TAFA1: variants seen among roughly 807,000 people sequenced by gnomAD.
TAFA1 encodes TAFA chemokine like family member 1, also known as chemokine-like protein TAFA-1.
In TAFA1, 4 loss-of-function variants were observed where a neutral mutation model predicts 18.5. The ratio of observed to expected loss-of-function variants is 0.22; its 90% CI spans 0.11 to 0.49. The LOEUF (loss-of-function observed/expected upper bound fraction) is 0.49, where lower values mean the gene tolerates loss of function less well. Ranked by LOEUF, TAFA1 falls within the 20% of genes least tolerant of loss-of-function variation. The pLI, the probability that TAFA1 is intolerant of heterozygous loss-of-function variation, is 0.98. For missense variants in TAFA1, 147 were observed against 169.0 expected, an observed-to-expected ratio of 0.87 and a Z score of 0.72; for synonymous variants, 56 against 55.2, an observed-to-expected ratio of 1.01 and a Z score of -0.06.
intron 2 of TAFA1, among the ~76,000 whole-genome samples, chr3:68,221,614 C>A (rs990373674): frequency 1.3e-5 from 2 of 152,004 alleles, no homozygotes; most frequent in African/African-American, 2.4e-5. Context: ...ACTAGAACAA[C>A]TGGGGTAAAA....
At chr3:68,357,564 C>G (rs1398410902) in intron 2 of TAFA1, among the ~76,000 whole-genome samples, 2 of 151,886 alleles carry the variant, frequency 1.3e-5, no homozygotes, top group African/African-American at 4.8e-5. Flanking sequence ...TGGAGCTCCC[C>G]ACACTAGTCG....
intron 2 of TAFA1, among the ~76,000 whole-genome samples, chr3:68,307,489 C>T (rs1384894967): frequency 6.6e-6 from 1 of 152,220 alleles, no homozygotes; most frequent in East Asian, 1.9e-4. Flanking sequence ...CTACATTCAG[C>T]AGTAACACTT....
At chr3:68,370,472 G>GTATATATATATA (rs749877780) in intron 2 of TAFA1, among the ~76,000 whole-genome samples, 8 of 33,038 alleles carry the variant, frequency 2.4e-4, no homozygotes, top group Non-Finnish European at 4.1e-4. Context: ...GTGTGTGTGT[G>GTATATATATATA]TATATATATA....
At chr3:68,327,155 A>G (rs2068789475) in intron 2 of TAFA1, among the ~76,000 whole-genome samples, 1 of 152,072 alleles carries the variant, frequency 6.6e-6, no homozygotes, top group Non-Finnish European at 1.5e-5. Context: ...CTTCCCCTTC[A>G]CCTTCCATCA....
At chr3:68,094,008 T>A (rs569910280) in intron 2 of TAFA1, among the ~76,000 whole-genome samples, 1 of 152,270 alleles carries the variant, frequency 6.6e-6, no homozygotes, top group East Asian at 1.9e-4. Flanking sequence ...ACTATTTTCA[T>A]GTTATGGACT....
At chr3:68,100,828 A>G (rs1296678149) in intron 2 of TAFA1, among the ~76,000 whole-genome samples, 1 of 152,206 alleles carries the variant, frequency 6.6e-6, no homozygotes, top group African/African-American at 2.4e-5. Context: ...GATGTAGGAA[A>G]GATACCCATT....
At chr3:68,071,339 G>C (rs1027780955) in intron 2 of TAFA1, among the ~76,000 whole-genome samples, 1 of 152,188 alleles carries the variant, frequency 6.6e-6, no homozygotes, top group African/African-American at 2.4e-5. Context: ...CATGAGAACA[G>C]TCTGGGAAAG....
chr3:68,426,298 T>A (rs962080379), intron 3 of TAFA1, among the ~76,000 whole-genome samples: 1 of 151,866 alleles, frequency 6.6e-6, no homozygotes, highest in Non-Finnish European at 1.5e-5. Flanking sequence ...TCCTCTCACA[T>A]CATAATTGCC....
intron 2 of TAFA1, among the ~76,000 whole-genome samples, chr3:68,048,621 G>T (rs1166064448): frequency 6.6e-6 from 1 of 151,788 alleles, no homozygotes; most frequent in African/African-American, 2.4e-5. Context: ...AGCCTTCCCA[G>T]CCTCCGGTAA....
chr3:68,040,197 A>G lies in TAFA1; in HGVS notation c.118+33453A>G, dbSNP rs549178372. Among the ~76,000 whole-genome samples, 5 of 152,306 alleles carry G rather than the reference A, an allele frequency of 3.3e-5. No individual in the cohort carries two copies. In the East Asian group the frequency reaches 7.7e-4, roughly 24 times the overall value. ...TTTTAACATTTGTAACTGGACCTTA[A>G]GTCTTGGCTTGCTGTGTTTCTTGAG... On this transcript the variant is annotated intron_variant, in intron 2 of 4. Transcript: ENST00000478136.
At chr3:68,201,914 G>A (rs2066473726) in intron 2 of TAFA1, among the ~76,000 whole-genome samples, 1 of 151,638 alleles carries the variant, frequency 6.6e-6, no homozygotes, top group Admixed American at 6.6e-5. Context: ...CATAGGAAGA[G>A]GCAAAACCCA....
chr3:68,072,213 A>G (rs1330440478), intron 2 of TAFA1, among the ~76,000 whole-genome samples: 1 of 152,196 alleles, frequency 6.6e-6, no homozygotes, highest in Admixed American at 6.5e-5. Context: ...AACCTAGTGA[A>G]GGACCAGATG....
chr3:68,006,239 A>G (rs1704354262), intron 1 of TAFA1: 1 of 165,950 alleles, frequency 6.0e-6, no homozygotes, highest in Admixed American at 5.9e-5. Context: ...CAGACTTGCA[A>G]TGAAGTTAGA....
chr3:68,399,840 A>T (rs980826163), intron 2 of TAFA1, among the ~76,000 whole-genome samples: 3 of 152,128 alleles, frequency 2.0e-5, no homozygotes, highest in Admixed American at 6.6e-5. Flanking sequence ...AGAAACAAAA[A>T]TTACAGAGGT....
Position 68,465,061 on chromosome 3 carries a change from T to A in TAFA1, c.259+47641T>A, listed in dbSNP as rs558311381. 3.3e-5 allele frequency among the ~76,000 whole-genome samples: 5 copies of A among 152,226 alleles called. No homozygotes were observed. In the South Asian group the frequency reaches 1.0e-3, roughly 32 times the overall value. Reference sequence around the variant, plus strand: ...AAATAATTCCAATCCCCTTCGCTAGTGATTGGCTTAGGCGTGGGCATGTGG... The same window carrying A: ...AAATAATTCCAATCCCCTTCGCTAGAGATTGGCTTAGGCGTGGGCATGTGG... On this transcript the variant is annotated intron_variant, in intron 3 of 4. Coordinates refer to ENST00000478136, the MANE Select transcript of TAFA1 (RefSeq NM_213609.4).
chr3:68,135,292 C>G (rs2065594284), intron 2 of TAFA1, among the ~76,000 whole-genome samples: 1 of 152,178 alleles, frequency 6.6e-6, no homozygotes, highest in Non-Finnish European at 1.5e-5. Context: ...CAAACAACAT[C>G]TACTGTAATA....
chr3:68,081,448 C>T (rs1009325621), intron 2 of TAFA1, among the ~76,000 whole-genome samples: 3 of 151,552 alleles, frequency 2.0e-5, no homozygotes, highest in African/African-American at 7.3e-5. Flanking sequence ...GTGGTTTTAT[C>T]TAGTTTTGGT....
intron 3 of TAFA1, among the ~76,000 whole-genome samples, chr3:68,427,731 C>A (rs1056382776): frequency 5.3e-5 from 8 of 151,888 alleles, no homozygotes; most frequent in Admixed American, 5.3e-4. Flanking sequence ...ACCCAAATCT[C>A]ATCTTGAATT....
intron 3 of TAFA1, among the ~76,000 whole-genome samples, chr3:68,439,581 C>T (rs1461425054): frequency 2.0e-5 from 3 of 151,608 alleles, no homozygotes; most frequent in South Asian, 4.2e-4. Context: ...AGGAAGTATA[C>T]AGCATGGGAG....
Sources: allele counts gnomAD v4.1 joint callset (sites outside exome capture counted in the v4.1 genomes callset), GRCh38; gene constraint gnomAD v4.1.1; transcripts MANE v1.5; gene names NCBI Gene and HGNC (gene_info 2026-07-23, HGNC 2026-07-21).